The following SEC22C variants were observed in gnomAD, a reference collection of about 807,000 sequenced individuals.
SEC22C encodes the protein vesicle-trafficking protein SEC22c.
SEC22C carries 29 observed loss-of-function variants against 34.7 expected under a neutral mutation model. The observed-to-expected ratio is 0.84, with a 90% CI of 0.62 to 1.14. The LOEUF (loss-of-function observed/expected upper bound fraction) is 1.14, where lower values mean the gene tolerates loss of function less well. Among genes scored for constraint, SEC22C ranks in the 50% most tolerant of loss-of-function variants. The pLI, the probability that SEC22C is intolerant of heterozygous loss-of-function variation, is 0.00. For synonymous variants in SEC22C, 117 were observed against 132.8 expected (o/e 0.88, Z 0.82); for missense variants, 337 against 369.0 (o/e 0.91, Z 0.71).
chr3:42,591,276 G>A lies in SEC22C; in HGVS notation c.-28+9684C>T. ...GTGCAGTGGTGCATCTTGGCTCACT[G>A]AAACCACCGCTTCCTGGCTTCAAGC... On this transcript the variant is annotated intron_variant, in intron 1 of 6. Transcript: ENST00000417572. The A allele has an allele frequency of 7.0e-6, 4 of 573,800 alleles. No individual in the cohort carries two copies. The South Asian group carries it at 8.3e-5, about 12-fold the overall frequency. The allele number at this position is 573,800 out of a possible 1,614,324, so 35.5% of individuals were successfully genotyped here.
rs1702607235 is a variant in SEC22C at position 42,557,626 on chromosome 3, A to G, written c.597T>C (p.Ala199=). ...GAACTCCTCGAATGAGATTCAGGGC[A>G]GCACACATGATGTTGAGAATGAGGG... ...ILSLILNIMC[A]ALNLIRGVHL... The change falls in exon 5 of 7, where the codon GCT becomes GCC. Residue 199 remains alanine, a synonymous_variant. Transcript: ENST00000264454. 1 of 1,612,354 alleles carries G rather than the reference A, an allele frequency of 6.2e-7. No individual in the cohort carries two copies. Among genetic ancestry groups the G allele is most frequent in the East Asian group, 2.2e-5 (1 of 44,846 alleles).
chr3:42,594,530 A>T, intron 1 of SEC22C: 1 of 1,602,458 alleles, frequency 6.2e-7, no homozygotes, highest in Non-Finnish European at 8.5e-7. Context: ...GCAATAGAAT[A>T]ATCTTCCATT....
At chr3:42,571,089 C>T (rs568384526) in intron 1 of SEC22C, among the ~76,000 whole-genome samples, 5 of 152,206 alleles carry the variant, frequency 3.3e-5, no homozygotes, top group Non-Finnish European at 5.9e-5. Context: ...CTGTCAATTC[C>T]AAACATCCTC....
rs532098252 is a variant in SEC22C, at chr3:42,557,820, A to C, written c.527-124T>G. 4 of 501,670 alleles carry C rather than the reference A, an allele frequency of 8.0e-6. No individual in the cohort carries two copies. In the South Asian group the frequency reaches 1.5e-4, roughly 19 times the overall value. 31.1% of individuals were successfully genotyped at this position (501,670 alleles called of 1,614,324 possible). On this transcript the variant is annotated intron_variant, in intron 4 of 6. Coordinates refer to ENST00000264454, the MANE Select transcript of SEC22C (RefSeq NM_032970.4). ...CACTATGTTAAACATAGAATTACAA[A>C]CATATTAATTGTAAAAGCAGCAGAA... is the stretch of plus-strand genomic sequence containing the variant.
rs1012911756 is a variant in SEC22C at position 42,551,702 on chromosome 3, T to C, written c.*1546A>G. The C allele has an allele frequency of 3.1e-6, 3 of 962,706 alleles. No homozygotes were observed. The highest frequency in any genetic ancestry group is 6.2e-5 in the Admixed American group (1 of 16,248). 59.6% of individuals were successfully genotyped at this position (962,706 alleles called of 1,614,324 possible). A position where few individuals can be genotyped will look rare whatever the true frequency, so the allele number is the denominator to read the frequency against. ...TCTATTATAAAAAATAAAGTTACTATGGCAACATTTTCCCAACATAGTTCC... is the reference window on the plus strand; with the variant it reads ...TCTATTATAAAAAATAAAGTTACTACGGCAACATTTTCCCAACATAGTTCC... On this transcript the variant is annotated 3_prime_UTR_variant, in exon 7 of 7. Coordinates refer to ENST00000264454, the MANE Select transcript of SEC22C (RefSeq NM_032970.4).
At chr3:42,560,932 G>A (rs146287501) in intron 4 of SEC22C, among the ~76,000 whole-genome samples, 185 bp downstream of exon 4, 2 of 151,754 alleles carry the variant, frequency 1.3e-5, no homozygotes, top group African/African-American at 2.4e-5. Flanking sequence ...GAGCCTCCAC[G>A]CCTGGCCTGT....
intron 1 of SEC22C, among the ~76,000 whole-genome samples, chr3:42,596,481 GTTC>G (rs893177532): frequency 2.0e-5 from 3 of 152,142 alleles, no homozygotes; most frequent in African/African-American, 7.2e-5. Context: ...ACTACCAGTG[GTTC>G]TTCTTCATGA....
In SEC22C at chr3:42,549,849, C is replaced by A; in HGVS notation, c.*3399G>T. ...TTAAATGTTTTAATTCCAGCATTCT[C>A]CAGAGTTCACAGAAAAGAGGGATGC... is the stretch of plus-strand genomic sequence containing the variant. On this transcript the variant is annotated 3_prime_UTR_variant, in exon 7 of 7. Transcript: ENST00000264454. The A allele has an allele frequency of 1.0e-6, 1 of 985,410 alleles. No individual in the cohort carries two copies. Among genetic ancestry groups the A allele is most frequent in the Admixed American group, 6.1e-5 (1 of 16,282 alleles). The allele number at this position is 985,410 out of a possible 1,614,324, so 61.0% of individuals were successfully genotyped here.
chr3:42,599,624 G>C (rs915426264), intron 1 of SEC22C, among the ~76,000 whole-genome samples: 2 of 151,024 alleles, frequency 1.3e-5, no homozygotes, highest in African/African-American at 4.9e-5. Flanking sequence ...CCCGGGAGGC[G>C]GAGCTTGCAG....
intron 1 of SEC22C, among the ~76,000 whole-genome samples, chr3:42,572,218 C>CA (rs540416562): frequency 0.27 from 22,348 of 81,452 alleles, 2,742 homozygotes; most frequent in African/African-American, 0.47. Flanking sequence ...GGGTACAGAC[C>CA]AAAAAAAAAA....
chr3:42,561,168 C>T lies in SEC22C; in HGVS notation c.475G>A (p.Asp159Asn), dbSNP rs773015992. Residue 159 changes from aspartate to asparagine, a missense_variant, in exon 4 of 7, where the codon GAT becomes AAT. By Grantham distance (23) the Asp-to-Asn change is conservative (BLOSUM62 1). Transcript: ENST00000264454. ...CCATTCATCACCCCATTTGCCACAT[C>T]TGTGTCCTCCAGAGTGAGAACCGCT... is the stretch of plus-strand genomic sequence containing the variant. Reference protein sequence around the residue: ...PPAVLTLEDTDVANGVMNGHT... With the variant: ...PPAVLTLEDTNVANGVMNGHT... 1.2e-6 allele frequency: 2 copies of T among 1,614,214 alleles called. No homozygotes were observed. The highest frequency in any genetic ancestry group is 3.3e-5 in the Admixed American group (2 of 60,032).
rs992041223 is a variant in SEC22C at position 42,549,607 on chromosome 3, T to G, written c.*3641A>C. 1 of 984,640 alleles carries G rather than the reference T, an allele frequency of 1.0e-6. No individual in the cohort carries two copies. Among genetic ancestry groups the G allele is most frequent in the Non-Finnish European group, 1.2e-6 (1 of 829,866 alleles). 61.0% of individuals were successfully genotyped at this position (984,640 alleles called of 1,614,324 possible). A position where few individuals can be genotyped will look rare whatever the true frequency, so the allele number is the denominator to read the frequency against. ...TGACTCCCAGGCATGGGTGGGAGAG[T>G]TGAACCTCAATGCAATCTGCTCCCA... On this transcript the variant is annotated 3_prime_UTR_variant, in exon 7 of 7. Coordinates refer to ENST00000264454, the MANE Select transcript of SEC22C (RefSeq NM_032970.4).
intron 6 of SEC22C, among the ~76,000 whole-genome samples, chr3:42,555,269 C>A (rs1416021983): frequency 6.6e-6 from 1 of 151,882 alleles, no homozygotes; most frequent in Non-Finnish European, 1.5e-5. Flanking sequence ...ATGGCGTGAA[C>A]CCGGGAGGCA....
intron 2 of SEC22C, among the ~76,000 whole-genome samples, chr3:42,568,597 G>C (rs964390561): frequency 2.0e-5 from 3 of 149,188 alleles, no homozygotes; most frequent in African/African-American, 7.5e-5. Context: ...AGTGAGCCAA[G>C]ATGGTGCCAC....
At chr3:42,594,559 A>C (rs750971722) in intron 1 of SEC22C, 3 of 1,472,432 alleles carry the variant, frequency 2.0e-6, no homozygotes, top group Non-Finnish European at 2.8e-6. Flanking sequence ...GTGAGGAGTA[A>C]TTGAATGTAA....
At chr3:42,601,029 A>G in exon 1 of SEC22C, 1 of 1,581,342 alleles carries the variant, frequency 6.3e-7, no homozygotes, top group Non-Finnish European at 8.6e-7. Context: ...GACCGGCCGC[A>G]GTGCCACTTC....
Position 42,593,182 on chromosome 3 carries a change from G to A in SEC22C, c.-28+7778C>T, listed in dbSNP as rs183812965. ...TGTGGCATTACAGTGGGAGGCTGAGGCGGGCAGATCATCTGAGGTCAGGAG... is the reference window on the plus strand; with the variant it reads ...TGTGGCATTACAGTGGGAGGCTGAGACGGGCAGATCATCTGAGGTCAGGAG... On this transcript the variant is annotated intron_variant, in intron 1 of 6. Transcript: ENST00000417572. Among the ~76,000 whole-genome samples, 207 of 152,282 alleles carry A rather than the reference G, an allele frequency of 1.4e-3. 8 individuals carry two copies. The highest frequency in any genetic ancestry group is 0.013 in the Admixed American group (206 of 15,296).
At chr3:42,558,682 C>T (rs1702694355) in intron 4 of SEC22C, among the ~76,000 whole-genome samples, 1 of 151,924 alleles carries the variant, frequency 6.6e-6, no homozygotes, top group Non-Finnish European at 1.5e-5. Context: ...GTCCCCGCTA[C>T]TCAGGAAGCT....
chr3:42,557,870 T>C (rs1009546232), intron 4 of SEC22C, among the ~76,000 whole-genome samples, 174 bp from the exon 5 acceptor site: 3 of 152,152 alleles, frequency 2.0e-5, no homozygotes, highest in Admixed American at 2.0e-4. Flanking sequence ...AGCCAAGAAA[T>C]GATGGACAGA....
Sources: allele counts gnomAD v4.1 joint callset (sites outside exome capture counted in the v4.1 genomes callset), GRCh38; gene constraint gnomAD v4.1.1; transcripts MANE v1.5; gene names NCBI Gene and HGNC (gene_info 2026-07-23, HGNC 2026-07-21).